Variants in TGM5 observed in about 807,000 individuals in gnomAD.
The protein encoded by TGM5 is transglutaminase 5, also known as protein-glutamine gamma-glutamyltransferase 5.
Under a neutral mutation model 77.2 loss-of-function variants are expected in TGM5, and 69 were observed. The ratio of observed to expected loss-of-function variants is 0.89; its 90% CI spans 0.74 to 1.09. TGM5 has a LOEUF of 1.09. Among genes scored for constraint, TGM5 ranks in the 50% least tolerant of loss-of-function variants. The probability of loss-of-function intolerance (pLI) is 0.00; values close to 1 mark genes in which losing one functional copy is unlikely to be tolerated. For synonymous variants in TGM5, 346 were observed against 351.8 expected (o/e 0.98, Z 0.18); for missense variants, 842 against 896.5 (o/e 0.94, Z 0.78).
intron 6 of TGM5, among the ~76,000 whole-genome samples, chr15:43,247,236 A>G (rs2042675206): frequency 6.6e-6 from 1 of 152,134 alleles, no homozygotes; most frequent in Admixed American, 6.5e-5. Flanking sequence ...TGTACCACAC[A>G]AAGTCCTTTA....
At chr15:43,252,533 G>A (rs2042711674) in intron 6 of TGM5, among the ~76,000 whole-genome samples, 1 of 152,004 alleles carries the variant, frequency 6.6e-6, no homozygotes, top group South Asian at 2.1e-4. Context: ...GGCCAGGCTG[G>A]TCTTGAACTC....
rs1011356493 is a variant in TGM5, at chr15:43,253,707, C to T, written c.556-73G>A. 4 of 1,580,314 alleles carry T rather than the reference C, an allele frequency of 2.5e-6. No homozygotes were observed. The African/African-American group carries it at 4.0e-5, about 16-fold the overall frequency. On this transcript the variant is annotated intron_variant, in intron 4 of 12. Transcript: ENST00000220420. ...GGAGTATGTAAAAAGTAATGACTTC[C>T]CCCCAACCCTAGTGGAATATAAACT...
intron 1 of TGM5, among the ~76,000 whole-genome samples, chr15:43,265,124 C>T (rs946864967): frequency 3.9e-5 from 6 of 152,186 alleles, no homozygotes; most frequent in African/African-American, 1.2e-4. Flanking sequence ...TAATCTTCAT[C>T]GCATCCTTGC....
chr15:43,261,097 T>TTTTTTTTTTTTTTTTTG (rs2042787430), intron 1 of TGM5, among the ~76,000 whole-genome samples: 1 of 97,422 alleles, frequency 1.0e-5, no homozygotes, highest in African/African-American at 5.1e-5. Context: ...TTTTTTTTTT[T>TTTTTTTTTTTTTTTTTG]TTTTTTTTTT....
intron 6 of TGM5, among the ~76,000 whole-genome samples, chr15:43,249,676 A>G (rs2042691610): frequency 6.6e-6 from 1 of 152,250 alleles, no homozygotes; most frequent in African/African-American, 2.4e-5. Flanking sequence ...GTGAAAGGCC[A>G]GAACAGGAAG....
chr15:43,255,655 C>A (rs2042737498), intron 4 of TGM5, among the ~76,000 whole-genome samples: 2 of 152,016 alleles, frequency 1.3e-5, no homozygotes, highest in South Asian at 2.1e-4. Flanking sequence ...CACGAGGATC[C>A]CCAGGGTTTC....
At chr15:43,257,510 A>G (rs1459560853) in intron 3 of TGM5, among the ~76,000 whole-genome samples, 1 of 152,212 alleles carries the variant, frequency 6.6e-6, no homozygotes, top group African/African-American at 2.4e-5. Context: ...GGATTTTGCC[A>G]TTGAAAGTAA....
chr15:43,254,337 C>A (rs191313394), intron 4 of TGM5, among the ~76,000 whole-genome samples: 1 of 152,346 alleles, frequency 6.6e-6, no homozygotes, highest in East Asian at 1.9e-4. Context: ...CAGCTCTCTT[C>A]ACAACTCTGG....
chr15:43,234,119 A>G (rs2042569537), intron 11 of TGM5, among the ~76,000 whole-genome samples: 1 of 152,194 alleles, frequency 6.6e-6, no homozygotes, highest in Non-Finnish European at 1.5e-5. Context: ...CACTTCTCTA[A>G]AAACATATTG....
chr15:43,235,635 C>T lies in TGM5; in HGVS notation c.1548G>A (p.Pro516=), dbSNP rs188841718. The change falls in exon 10 of 13, where the codon CCG becomes CCA. Residue 516 remains proline (P), a synonymous_variant. Coordinates refer to ENST00000220420, the MANE Select transcript of TGM5 (RefSeq NM_201631.4). Reference sequence around the variant, plus strand: ...AGCATATATCCTGGCCCATGTTGGGCGGGTCGAGCAGCTTGAATTTCAGGG... The same window carrying T: ...AGCATATATCCTGGCCCATGTTGGGTGGGTCGAGCAGCTTGAATTTCAGGG... ...QVSLKFKLLD[P]PNMGQDICFV... is the part of the protein sequence containing the mutation. 95 of 1,614,114 alleles carry T rather than the reference C, an allele frequency of 5.9e-5. No individual in the cohort carries two copies. In the African/African-American group the frequency reaches 1.1e-3, roughly 19 times the overall value.
At chr15:43,234,282 C>A (rs1008462421) in intron 11 of TGM5, among the ~76,000 whole-genome samples, 2 of 152,162 alleles carry the variant, frequency 1.3e-5, no homozygotes, top group Admixed American at 1.3e-4. Context: ...TTAAAATCTT[C>A]CCACTTGGAA....
intron 6 of TGM5, among the ~76,000 whole-genome samples, chr15:43,244,169 G>A (rs1436087641): frequency 6.6e-6 from 1 of 152,194 alleles, no homozygotes; most frequent in African/African-American, 2.4e-5. Context: ...CTGATCGCCT[G>A]TGTCACACAT....
rs1185015054 is a variant in TGM5 at position 43,233,701 on chromosome 15, G to A, written c.1876-14C>T. On this transcript the variant is annotated splice_polypyrimidine_tract_variant and intron_variant, in intron 11 of 12. Transcript: ENST00000220420. ...TGCTCCTAGAACCTAAACAGACCAG[G>A]AGGGGAAGGAGAATTAGTTCTCATT... The A allele has an allele frequency of 8.1e-6, 13 of 1,613,874 alleles. No homozygotes were observed. Among genetic ancestry groups the A allele is most frequent in the Non-Finnish European group, 1.1e-5 (13 of 1,179,878 alleles).
At chr15:43,249,940 C>T (rs1476620976) in intron 6 of TGM5, among the ~76,000 whole-genome samples, 1 of 152,160 alleles carries the variant, frequency 6.6e-6, no homozygotes, top group African/African-American at 2.4e-5. Flanking sequence ...GACCAGAGTC[C>T]CTCAGTCACT....
intron 6 of TGM5, among the ~76,000 whole-genome samples, chr15:43,249,908 G>A (rs941621916): frequency 6.6e-6 from 1 of 152,356 alleles, no homozygotes; most frequent in Non-Finnish European, 1.5e-5. Context: ...GGGCCGTAGA[G>A]GGGAGATGCA....
chr15:43,240,454 T>C (rs1165736912), intron 7 of TGM5, among the ~76,000 whole-genome samples: 5 of 151,726 alleles, frequency 3.3e-5, no homozygotes, highest in Non-Finnish European at 7.4e-5. Flanking sequence ...CGTTAATTAA[T>C]GTGTATGCCT....
chr15:43,256,755 C>T, intron 3 of TGM5, 69 bp from the exon 4 acceptor site: 1 of 1,164,252 alleles, frequency 8.6e-7, no homozygotes, highest in Non-Finnish European at 1.3e-6. Flanking sequence ...TTCTCATCCC[C>T]ACAGTCCCAG....
rs763797735 is a variant in TGM5, at chr15:43,233,596, G to A, written c.1967C>T (p.Thr656Ile). ...CTTGAAGAGGCCACTTCCTTCCACAGTCAGCACACAGTCCTCAACCTGCTC... is the reference window on the plus strand; with the variant it reads ...CTTGAAGAGGCCACTTCCTTCCACAATCAGCACACAGTCCTCAACCTGCTC... ...LSEQVEDCVL[T>I]VEGSGLFKKQ... The change falls in exon 12 of 13, where the codon ACT becomes ATT. Residue 656 changes from threonine (T) to isoleucine (I), a missense_variant. By Grantham distance (89) the Thr-to-Ile change is moderately conservative. This residue lies in a region of TGM5 where 815 missense variants were observed against 844.6 expected (regional missense o/e 0.96). Transcript: ENST00000220420. The A allele has an allele frequency of 1.2e-6, 2 of 1,614,064 alleles. No homozygotes were observed. Among genetic ancestry groups the A allele is most frequent in the African/African-American group, 2.7e-5 (2 of 74,910 alleles).
At chr15:43,234,598 C>T (rs1413239628) in intron 11 of TGM5, among the ~76,000 whole-genome samples, 171 bp downstream of exon 11, 1 of 152,158 alleles carries the variant, frequency 6.6e-6, no homozygotes, top group Non-Finnish European at 1.5e-5. Flanking sequence ...GTGAGTGGTG[C>T]AAGAGGATGA....
Sources: gnomAD v4.1 joint callset for allele counts (sites outside exome capture counted in the v4.1 genomes callset) on GRCh38, gnomAD v4.1.1 for gene constraint, gnomAD v4.1.1 regional missense constraint, MANE v1.5 for transcripts, NCBI Gene and HGNC (gene_info 2026-07-23, HGNC 2026-07-21) for gene names.